SPOCK3: variants seen among roughly 807,000 people sequenced by gnomAD.
SPOCK3 encodes testican-3.
Under a neutral mutation model 56.6 loss-of-function variants are expected in SPOCK3, and 30 were observed. That is an observed-to-expected ratio of 0.53 (90% confidence interval 0.40 to 0.72). The LOEUF is 0.72. Ranked by LOEUF, SPOCK3 falls within the 30% of genes least tolerant of loss-of-function variation. The pLI, the probability that SPOCK3 is intolerant of heterozygous loss-of-function variation, is 0.00. For synonymous variants in SPOCK3, 196 were observed against 183.3 expected (o/e 1.07, Z -0.56); for missense variants, 527 against 530.0 (o/e 0.99, Z 0.06).
At chr4:166,843,229 G>A (rs1433173270) in intron 6 of SPOCK3, among the ~76,000 whole-genome samples, 2 of 152,218 alleles carry the variant, frequency 1.3e-5, no homozygotes, top group African/African-American at 4.8e-5. Context: ...CCCAGAGGGT[G>A]GCTCCCACAG....
At chr4:166,893,253 T>A (rs1302043510) in intron 5 of SPOCK3, among the ~76,000 whole-genome samples, 1 of 152,062 alleles carries the variant, frequency 6.6e-6, no homozygotes, top group Non-Finnish European at 1.5e-5. Context: ...AATGAAAGGG[T>A]TAATTCAATT....
At chr4:167,216,847 G>A (rs548693582) in intron 2 of SPOCK3, among the ~76,000 whole-genome samples, 1 of 152,084 alleles carries the variant, frequency 6.6e-6, no homozygotes, top group South Asian at 2.1e-4. Flanking sequence ...AAATAATTAA[G>A]GATTTTTGGC....
intron 6 of SPOCK3, among the ~76,000 whole-genome samples, chr4:166,838,072 G>T (rs2126817189): frequency 6.6e-6 from 1 of 152,044 alleles, no homozygotes; most frequent in Non-Finnish European, 1.5e-5. Context: ...GATAAATGTT[G>T]TTTTCCTCTC....
At chr4:166,830,505 G>T (rs1033724415) in intron 6 of SPOCK3, among the ~76,000 whole-genome samples, 1 of 152,082 alleles carries the variant, frequency 6.6e-6, no homozygotes, top group Non-Finnish European at 1.5e-5. Flanking sequence ...AGCACTTTGG[G>T]AGGCTGAGGC....
chr4:167,222,522 C>CATGTATGTTATAG (rs1231971571), intron 2 of SPOCK3, among the ~76,000 whole-genome samples: 1 of 134,840 alleles, frequency 7.4e-6, no homozygotes, highest in Non-Finnish European at 1.6e-5. Flanking sequence ...TAATATATAA[C>CATGTATGTTATAG]ATGTATGTTA....
chr4:167,224,076 CATTA>C (rs1561343236), intron 2 of SPOCK3, among the ~76,000 whole-genome samples: 2 of 151,930 alleles, frequency 1.3e-5, no homozygotes, highest in African/African-American at 4.8e-5. Flanking sequence ...AGAAAACAGC[CATTA>C]ATTAAATTAA....
chr4:166,749,494 G>T (rs979151532), intron 8 of SPOCK3, among the ~76,000 whole-genome samples: 1 of 151,914 alleles, frequency 6.6e-6, no homozygotes, highest in Non-Finnish European at 1.5e-5. Context: ...TGGTGCGGTG[G>T]GGGGAGCGGG....
chr4:166,952,331 C>T (rs1365160965), intron 4 of SPOCK3, among the ~76,000 whole-genome samples: 2 of 152,156 alleles, frequency 1.3e-5, no homozygotes, highest in African/African-American at 4.8e-5. Flanking sequence ...CTCCCATTCA[C>T]AATTGCTTCA....
intron 4 of SPOCK3, among the ~76,000 whole-genome samples, chr4:166,993,089 C>T (rs936294985): frequency 2.6e-5 from 4 of 152,100 alleles, no homozygotes; most frequent in Non-Finnish European, 5.9e-5. Flanking sequence ...CACGGAGGCA[C>T]ATTCATTACA....
At chr4:167,151,865 G>C (rs1239228860) in intron 2 of SPOCK3, among the ~76,000 whole-genome samples, 1 of 152,122 alleles carries the variant, frequency 6.6e-6, no homozygotes, top group Non-Finnish European at 1.5e-5. Flanking sequence ...TTCAGCAGCT[G>C]TATGGTTTCA....
At chr4:166,785,594 G>A (rs979907369) in intron 7 of SPOCK3, among the ~76,000 whole-genome samples, 1 of 152,018 alleles carries the variant, frequency 6.6e-6, no homozygotes, top group African/African-American at 2.4e-5. Flanking sequence ...GTTAACTAAT[G>A]CAAAATATAT....
chr4:167,233,292 T>C (rs1737373058), intron 2 of SPOCK3, among the ~76,000 whole-genome samples: 1 of 152,220 alleles, frequency 6.6e-6, no homozygotes, highest in African/African-American at 2.4e-5. Context: ...CAGGGGAGTC[T>C]ATGGTTTAAC....
At chr4:167,155,800 G>A (rs1421210868) in intron 2 of SPOCK3, among the ~76,000 whole-genome samples, 1 of 152,020 alleles carries the variant, frequency 6.6e-6, no homozygotes, top group Non-Finnish European at 1.5e-5. Flanking sequence ...AATACTATCC[G>A]AGCCACATAT....
At chr4:167,130,933 G>GATGTCATT (rs1418014977) in intron 2 of SPOCK3, among the ~76,000 whole-genome samples, 1 of 151,990 alleles carries the variant, frequency 6.6e-6, no homozygotes, top group Non-Finnish European at 1.5e-5. Context: ...ATAGCTTAGA[G>GATGTCATT]ATGTCATTCA....
intron 2 of SPOCK3, among the ~76,000 whole-genome samples, chr4:167,150,172 A>G (rs1764295981): frequency 6.6e-6 from 1 of 152,170 alleles, no homozygotes; most frequent in African/African-American, 2.4e-5. Flanking sequence ...GTTTTCCTAC[A>G]GCATTTAGAG....
chr4:166,866,434 A>T (rs1419612572), intron 6 of SPOCK3, among the ~76,000 whole-genome samples: 2 of 152,194 alleles, frequency 1.3e-5, no homozygotes, highest in Admixed American at 6.6e-5. Context: ...GACAAATGGG[A>T]TCTAATTAAA....
intron 3 of SPOCK3, among the ~76,000 whole-genome samples, chr4:167,055,023 T>C (rs1310851055): frequency 6.6e-6 from 1 of 152,196 alleles, no homozygotes; most frequent in Non-Finnish European, 1.5e-5. Context: ...TTATGGTGCA[T>C]TCTATGGAAA....
At chr4:167,173,381 A>C (rs1167744248) in intron 2 of SPOCK3, among the ~76,000 whole-genome samples, 4 of 152,120 alleles carry the variant, frequency 2.6e-5, no homozygotes, top group Non-Finnish European at 5.9e-5. Context: ...TGAATTTTGT[A>C]ACTTTTCTTT....
chr4:166,869,735 A>C (rs568920958), intron 6 of SPOCK3, among the ~76,000 whole-genome samples: 92 of 152,112 alleles, frequency 6.0e-4, no homozygotes, highest in African/African-American at 2.1e-3. Flanking sequence ...AAACTGGAAA[A>C]CACTGACTCT....
Sources: gnomAD v4.1 joint callset for allele counts (sites outside exome capture counted in the v4.1 genomes callset) on GRCh38, gnomAD v4.1.1 for gene constraint, MANE v1.5 for transcripts, NCBI Gene and HGNC (gene_info 2026-07-23, HGNC 2026-07-21) for gene names.